Variants in CSMD1 observed in about 807,000 individuals in gnomAD.
CSMD1 encodes the protein CUB and Sushi multiple domains 1.
A neutral mutation model predicts 417.5 loss-of-function variants in CSMD1; 213 were observed. That is an observed-to-expected ratio of 0.51 (90% confidence interval 0.46 to 0.57). The LOEUF (loss-of-function observed/expected upper bound fraction) is 0.57. Ranked by LOEUF, CSMD1 falls within the 20% of genes least tolerant of loss-of-function variation. The probability of loss-of-function intolerance (pLI) is 0.00; values close to 1 mark genes in which losing one functional copy is unlikely to be tolerated. For synonymous variants in CSMD1, 2,862 were observed against 1,736.8 expected, an observed-to-expected ratio of 1.65 and a Z score of -16.11; for missense variants, 6,923 against 4,529.7, an observed-to-expected ratio of 1.53 and a Z score of -15.17.
Position 4,668,481 on chromosome 8 carries a change from G to T in CSMD1, c.86-30923C>A, listed in dbSNP as rs184940169. Among the ~76,000 whole-genome samples, 46 of 147,220 alleles carry T rather than the reference G, an allele frequency of 3.1e-4. 1 individual carries two copies. The East Asian group carries it at 8.8e-3, about 28-fold the overall frequency. ...TTATTATTATTTGAGATGGAGTCTCGCTCTGTCACCCAGGCTGGAGTGCAG... is the reference window on the plus strand; with the variant it reads ...TTATTATTATTTGAGATGGAGTCTCTCTCTGTCACCCAGGCTGGAGTGCAG... On this transcript the variant is annotated intron_variant, in intron 1 of 69. Coordinates refer to ENST00000635120, the MANE Select transcript of CSMD1 (RefSeq NM_033225.6).
At chr8:4,313,342 G>A (rs992975905) in intron 3 of CSMD1, among the ~76,000 whole-genome samples, 1 of 138,690 alleles carries the variant, frequency 7.2e-6, no homozygotes, top group African/African-American at 3.0e-5. Flanking sequence ...ATCCATCATG[G>A]GGGTAGCAGA....
intron 1 of CSMD1, among the ~76,000 whole-genome samples, chr8:4,914,526 T>A (rs1385980456): frequency 1.4e-5 from 2 of 146,894 alleles, no homozygotes; most frequent in Non-Finnish European, 3.0e-5. Context: ...TGCAGTGAGC[T>A]GAGATCGCGC....
intron 5 of CSMD1, among the ~76,000 whole-genome samples, chr8:3,941,829 G>C (rs556049408): frequency 6.6e-6 from 1 of 151,848 alleles, no homozygotes; most frequent in East Asian, 1.9e-4. Context: ...AAAATATAGC[G>C]CAATTCCTTA....
At chr8:4,340,502 A>G (rs78569612) in intron 3 of CSMD1, among the ~76,000 whole-genome samples, 6,324 of 152,178 alleles carry the variant, frequency 0.042, 186 homozygotes, top group Non-Finnish European at 0.064. Context: ...CGAGTCCCCA[A>G]TGTCATGGTT....
At chr8:4,340,180 G>C (rs1452595430) in intron 3 of CSMD1, among the ~76,000 whole-genome samples, 1 of 151,174 alleles carries the variant, frequency 6.6e-6, no homozygotes, top group South Asian at 2.1e-4. Flanking sequence ...TTTTTTTTCT[G>C]ATCCAAAAAA....
At chr8:4,751,095 G>C (rs1332425710) in intron 1 of CSMD1, among the ~76,000 whole-genome samples, 3 of 152,162 alleles carry the variant, frequency 2.0e-5, no homozygotes, top group Admixed American at 6.5e-5. Context: ...GTTAAAGAGA[G>C]CATGTCTGCC....
intron 37 of CSMD1, among the ~76,000 whole-genome samples, chr8:3,180,466 A>C (rs1386278099): frequency 1.3e-5 from 2 of 152,198 alleles, no homozygotes; most frequent in African/African-American, 2.4e-5. Flanking sequence ...GGGGAATGCT[A>C]ATATGAGTAT....
intron 66 of CSMD1, among the ~76,000 whole-genome samples, chr8:2,950,725 G>C (rs1453905284): frequency 6.6e-6 from 1 of 152,142 alleles, no homozygotes; most frequent in Non-Finnish European, 1.5e-5. Context: ...GCTTAAAATA[G>C]TGTTTGCCAT....
rs1015634272 is a variant in CSMD1, at chr8:3,941,806, G to A, written c.818+56097C>T. On this transcript the variant is annotated intron_variant, in intron 5 of 69. Coordinates refer to ENST00000635120, the MANE Select transcript of CSMD1 (RefSeq NM_033225.6). ...CAATTTTTCCTCTGTTCCCTCATACGCAAGGAAAAATAAAAATATAGCGCA... is the reference window on the plus strand; with the variant it reads ...CAATTTTTCCTCTGTTCCCTCATACACAAGGAAAAATAAAAATATAGCGCA... Among the ~76,000 whole-genome samples the A allele has an allele frequency of 5.9e-5, 9 of 152,084 alleles. 1 individual carries two copies. In the South Asian group the frequency reaches 8.3e-4, roughly 14 times the overall value.
intron 10 of CSMD1, among the ~76,000 whole-genome samples, chr8:3,523,562 G>GACAT (rs1797603853): frequency 6.7e-6 from 1 of 150,362 alleles, no homozygotes; most frequent in Non-Finnish European, 1.5e-5. Flanking sequence ...TGTGCACACA[G>GACAT]ATGCACACAC....
rs1042997978 is a variant in CSMD1 at position 3,997,900 on chromosome 8, T to C, written c.818+3A>G. Reference sequence around the variant, plus strand: ...CTTTGTGGCATCTCTTCCCGGGACTTACCATATGGATGGAGCTTCCGTGCC... The same window carrying C: ...CTTTGTGGCATCTCTTCCCGGGACTCACCATATGGATGGAGCTTCCGTGCC... On this transcript the variant is annotated splice_donor_region_variant and intron_variant, in intron 5 of 69. Coordinates refer to ENST00000635120, the MANE Select transcript of CSMD1 (RefSeq NM_033225.6). 1 of 1,610,750 alleles carries C rather than the reference T, an allele frequency of 6.2e-7. No homozygotes were observed. The highest frequency in any genetic ancestry group is 1.7e-5 in the Admixed American group (1 of 59,696).
intron 3 of CSMD1, among the ~76,000 whole-genome samples, chr8:4,400,447 T>C (rs1361122648): frequency 6.6e-6 from 1 of 152,220 alleles, no homozygotes; most frequent in Non-Finnish European, 1.5e-5. Context: ...TATGCAGACA[T>C]CGAGATTCAT....
intron 26 of CSMD1, among the ~76,000 whole-genome samples, chr8:3,253,834 C>T (rs1800452419): frequency 6.6e-6 from 1 of 152,122 alleles, no homozygotes; most frequent in African/African-American, 2.4e-5. Flanking sequence ...ATCCAATTTG[C>T]CAGTCTGTGT....
At chr8:3,178,388 A>G (rs1186559936) in intron 37 of CSMD1, among the ~76,000 whole-genome samples, 1 of 151,694 alleles carries the variant, frequency 6.6e-6, no homozygotes, top group South Asian at 2.1e-4. Context: ...ATGGACTCAC[A>G]AGCTCCTTGA....
At chr8:4,245,105 G>T (rs915581651) in intron 3 of CSMD1, among the ~76,000 whole-genome samples, 1 of 152,136 alleles carries the variant, frequency 6.6e-6, no homozygotes, top group Non-Finnish European at 1.5e-5. Context: ...CGACCCTCAA[G>T]ATTTTCAATA....
At chr8:4,185,314 G>A (rs1267991229) in intron 3 of CSMD1, among the ~76,000 whole-genome samples, 1 of 152,026 alleles carries the variant, frequency 6.6e-6, no homozygotes, top group African/African-American at 2.4e-5. Context: ...TAGGGACCCT[G>A]TCTTAAAAAG....
intron 4 of CSMD1, among the ~76,000 whole-genome samples, chr8:4,011,127 A>C (rs1456119530): frequency 6.6e-6 from 1 of 152,168 alleles, no homozygotes; most frequent in Non-Finnish European, 1.5e-5. Flanking sequence ...AAATTATGTA[A>C]TCTATAACCT....
In CSMD1 at chr8:3,043,288, C is replaced by A. The variant is rs188264464; in HGVS notation, c.7660+9174G>T. ...CTATAGCGAATATAGTACATGTAAACCTACAGTACTAGGTCACTATGGTGA... is the reference window on the plus strand; with the variant it reads ...CTATAGCGAATATAGTACATGTAAAACTACAGTACTAGGTCACTATGGTGA... On this transcript the variant is annotated intron_variant, in intron 50 of 69. Transcript: ENST00000635120. Among the ~76,000 whole-genome samples, 512 of 149,088 alleles carry A rather than the reference C, an allele frequency of 3.4e-3. 8 individuals are homozygous for A. Among genetic ancestry groups the A allele is most frequent in the African/African-American group, 0.012 (480 of 40,210 alleles).
chr8:4,088,682 C>G (rs1390300892), intron 3 of CSMD1, among the ~76,000 whole-genome samples: 1 of 152,136 alleles, frequency 6.6e-6, no homozygotes, highest in African/African-American at 2.4e-5. Context: ...CAGCTCATTC[C>G]TCAGTTCATT....
Sources: allele counts gnomAD v4.1 joint callset (sites outside exome capture counted in the v4.1 genomes callset), GRCh38; gene constraint gnomAD v4.1.1; transcripts MANE v1.5; gene names NCBI Gene and HGNC (gene_info 2026-07-23, HGNC 2026-07-21).